RGS6: variants seen among roughly 807,000 people sequenced by gnomAD.
RGS6 encodes regulator of G protein signaling 6.
Under a neutral mutation model 78.5 loss-of-function variants are expected in RGS6, and 30 were observed. The observed-to-expected ratio is 0.38, with a 90% CI of 0.29 to 0.52. The LOEUF (loss-of-function observed/expected upper bound fraction) is 0.52, where lower values mean the gene tolerates loss of function less well. Among genes scored for constraint, RGS6 ranks in the 20% least tolerant of loss-of-function variants. The probability of loss-of-function intolerance (pLI) is 0.85; values close to 1 mark genes in which losing one functional copy is unlikely to be tolerated. For missense variants in RGS6, 495 were observed against 609.7 expected, an observed-to-expected ratio of 0.81 and a Z score of 1.98; for synonymous variants, 206 against 206.0, an observed-to-expected ratio of 1.00 and a Z score of 0.00.
chr14:72,498,488 T>G (rs1216789576), intron 13 of RGS6, among the ~76,000 whole-genome samples: 1 of 152,234 alleles, frequency 6.6e-6, no homozygotes, highest in Non-Finnish European at 1.5e-5. Context: ...AAAATACTAA[T>G]GCCTGGTCCT....
chr14:72,311,230 G>A (rs2068541028), intron 2 of RGS6, among the ~76,000 whole-genome samples: 1 of 152,172 alleles, frequency 6.6e-6, no homozygotes, highest in South Asian at 2.1e-4. Flanking sequence ...CAGTGACTAA[G>A]AGCCTCATGT....
At chr14:72,093,937 C>T (rs1479262800) in intron 2 of RGS6, among the ~76,000 whole-genome samples, 1 of 151,974 alleles carries the variant, frequency 6.6e-6, no homozygotes, top group African/African-American at 2.4e-5. Context: ...CTTCATTTAT[C>T]ATGAGTTTAC....
chr14:72,107,866 C>T (rs2095666682), intron 2 of RGS6, among the ~76,000 whole-genome samples: 1 of 152,090 alleles, frequency 6.6e-6, no homozygotes, highest in East Asian at 1.9e-4. Flanking sequence ...AATATTAATA[C>T]TACCACCACC....
intron 6 of RGS6, among the ~76,000 whole-genome samples, chr14:72,461,673 T>C (rs1035146974): frequency 6.6e-6 from 1 of 152,024 alleles, no homozygotes; most frequent in African/African-American, 2.4e-5. Flanking sequence ...GCCTGGGTGA[T>C]AGAGGAAGAC....
intron 2 of RGS6, among the ~76,000 whole-genome samples, chr14:72,137,846 C>T (rs1436249753): frequency 1.3e-5 from 2 of 152,156 alleles, no homozygotes; most frequent in African/African-American, 4.8e-5. Context: ...GGCTTCATCA[C>T]ATAGGCACAA....
rs372198311 is a variant in RGS6, at chr14:72,438,479, G to A, written c.185-16049G>A. ...ACCTCAGGCGAAACATGGCTAGCAC[G>A]CAAGCCCAGGTGTCCTCCCCATCCT... is the stretch of plus-strand genomic sequence containing the variant. On this transcript the variant is annotated intron_variant, in intron 3 of 17. Transcript: ENST00000553525. 1.5e-4 allele frequency among the ~76,000 whole-genome samples: 23 copies of A among 152,218 alleles called. No homozygotes were observed. The South Asian group carries it at 2.1e-3, about 14-fold the overall frequency.
At chr14:71,984,484 G>GAAAA (rs370779936) in intron 2 of RGS6, among the ~76,000 whole-genome samples, 1 of 117,434 alleles carries the variant, frequency 8.5e-6, no homozygotes, top group African/African-American at 3.3e-5. Flanking sequence ...GTCTCAAAAA[G>GAAAA]AAAAAAAAAA....
chr14:72,547,459 A>G, intron 17 of RGS6: 1 of 782,480 alleles, frequency 1.3e-6, no homozygotes, highest in East Asian at 2.8e-5. Context: ...AATAGTGATG[A>G]GTGTCCCTGG....
At chr14:72,353,985 G>A (rs2681755) in intron 3 of RGS6, among the ~76,000 whole-genome samples, 132,347 of 149,310 alleles carry the variant, frequency 0.89, 57,700 homozygotes, top group Middle Eastern at 0.93. Context: ...CTCTGTCTCA[G>A]CAACAACAAC....
At chr14:72,340,048 G>A (rs2076705193) in intron 2 of RGS6, among the ~76,000 whole-genome samples, 1 of 152,138 alleles carries the variant, frequency 6.6e-6, no homozygotes, top group African/African-American at 2.4e-5. Context: ...GAAGGGCCCT[G>A]CCTTTCCAGT....
chr14:72,081,734 T>A (rs2094832787), intron 2 of RGS6, among the ~76,000 whole-genome samples: 1 of 152,144 alleles, frequency 6.6e-6, no homozygotes, highest in Non-Finnish European at 1.5e-5. Flanking sequence ...AGCCTTTTTA[T>A]GCTAAAAATG....
At chr14:72,006,168 C>T (rs766318523) in intron 2 of RGS6, among the ~76,000 whole-genome samples, 1 of 152,138 alleles carries the variant, frequency 6.6e-6, no homozygotes, top group Non-Finnish European at 1.5e-5. Context: ...AATTAAACAT[C>T]ACTTCTCTGT....
chr14:72,487,527 GC>G (rs1382327546), intron 12 of RGS6, among the ~76,000 whole-genome samples: 23 of 152,274 alleles, frequency 1.5e-4, no homozygotes, highest in Admixed American at 1.4e-3. Context: ...GCCCAGATGG[GC>G]CCAGCATAAT....
At chr14:71,878,097 A>T in the RGS6 span, among the ~76,000 whole-genome samples, 12 of 152,278 alleles carry the variant, frequency 7.9e-5, no homozygotes, top group African/African-American at 2.9e-4. Flanking sequence ...CCCTACTGGG[A>T]GGTGCCTCCC....
At chr14:72,383,957 G>C (rs2087049043) in intron 3 of RGS6, among the ~76,000 whole-genome samples, 1 of 152,138 alleles carries the variant, frequency 6.6e-6, no homozygotes, top group African/African-American at 2.4e-5. Flanking sequence ...AATTGCTACA[G>C]TTACTTTTGC....
chr14:71,975,606 G>C lies in RGS6; in HGVS notation c.84+10731G>C, dbSNP rs548146588. 2.6e-5 allele frequency among the ~76,000 whole-genome samples: 4 copies of C among 151,976 alleles called. No individual in the cohort carries two copies. The South Asian group carries it at 8.3e-4, about 32-fold the overall frequency. The stretch of plus-strand genomic sequence containing the variant: ...CCCGAGTAGCTGGGACTAGAGGTGC[G>C]TGCCACCACGCCCAAATAATTTTTG... On this transcript the variant is annotated intron_variant, in intron 2 of 17. Coordinates refer to ENST00000553525, the MANE Select transcript of RGS6 (RefSeq NM_001204424.2).
At chr14:72,013,169 G>A (rs1464339284) in intron 2 of RGS6, among the ~76,000 whole-genome samples, 1 of 150,488 alleles carries the variant, frequency 6.6e-6, no homozygotes, top group Non-Finnish European at 1.5e-5. Flanking sequence ...TACTCGGGAG[G>A]TTGAGGCAGG....
chr14:72,429,630 G>C (rs948415500), intron 3 of RGS6, among the ~76,000 whole-genome samples: 9 of 152,188 alleles, frequency 5.9e-5, no homozygotes, highest in African/African-American at 2.2e-4. Context: ...ATTATAATGT[G>C]CTTACGTGGC....
chr14:72,357,545 C>A (rs2152768054), intron 3 of RGS6, among the ~76,000 whole-genome samples: 1 of 152,296 alleles, frequency 6.6e-6, no homozygotes. Context: ...GGAACTGGAG[C>A]AAAGATAACC....
Sources: gnomAD v4.1 joint callset for allele counts (sites outside exome capture counted in the v4.1 genomes callset) on GRCh38, gnomAD v4.1.1 for gene constraint, MANE v1.5 for transcripts, NCBI Gene and HGNC (gene_info 2026-07-23, HGNC 2026-07-21) for gene names.